Variants in MDFIC observed in about 807,000 individuals in gnomAD.
The protein encoded by MDFIC is myoD family inhibitor domain-containing protein.
Under a neutral mutation model 23.2 loss-of-function variants are expected in MDFIC, and 17 were observed. The observed-to-expected ratio is 0.73, with a 90% confidence interval of 0.50 to 1.10. The LOEUF is 1.10. Ranked by LOEUF, MDFIC falls within the 50% of genes least tolerant of loss-of-function variation. The pLI is 0.00. For synonymous variants in MDFIC, 120 were observed against 115.2 expected (o/e 1.04, Z -0.27); for missense variants, 356 against 316.6 (o/e 1.12, Z -0.95).
chr7:115,015,862 T>G lies in MDFIC; in HGVS notation c.668T>G (p.Met223Arg). 3 of 1,613,774 alleles carry G rather than the reference T, an allele frequency of 1.9e-6. No individual in the cohort carries two copies. In the South Asian group the frequency reaches 3.3e-5, roughly 18 times the overall value. ...NCPCDMDCGI[M>R]DACCESSDCL... ...CCTTGTGATATGGACTGTGGCATCA[T>G]GGATGCCTGTTGTGAATCATCAGAC... The change falls in exon 5 of 5, where the codon ATG becomes AGG. Residue 223 changes from methionine to arginine, a missense_variant. Coordinates refer to ENST00000393486, the MANE Select transcript of MDFIC (RefSeq NM_001166345.3).
At chr7:114,933,189 C>G (rs1433058555) in intron 2 of MDFIC, among the ~76,000 whole-genome samples, 1 of 151,278 alleles carries the variant, frequency 6.6e-6, no homozygotes, top group Non-Finnish European at 1.5e-5. Context: ...AGTTATCATG[C>G]TGAAAGACTA....
intron 4 of MDFIC, chr7:115,014,546 G>A (rs900079893): frequency 7.0e-6 from 9 of 1,282,992 alleles, no homozygotes; most frequent in Non-Finnish European, 9.1e-6. Context: ...AAGAGGGTGG[G>A]GTTGTTGTGT....
At chr7:114,974,355 A>G (rs1793266162) in intron 3 of MDFIC, among the ~76,000 whole-genome samples, 1 of 151,954 alleles carries the variant, frequency 6.6e-6, no homozygotes. Context: ...GTGACCATGG[A>G]GTAGCAAAGT....
intron 3 of MDFIC, among the ~76,000 whole-genome samples, chr7:114,969,435 G>A (rs1310465062): frequency 6.6e-6 from 1 of 152,134 alleles, no homozygotes; most frequent in East Asian, 1.9e-4. Context: ...ATATGTGTCT[G>A]ATACGGTTGA....
chr7:114,933,644 A>G (rs544084466), intron 2 of MDFIC, among the ~76,000 whole-genome samples: 6 of 151,914 alleles, frequency 3.9e-5, no homozygotes, highest in South Asian at 4.2e-4. Flanking sequence ...CAATCAGACA[A>G]CCTCTTTCAT....
intron 2 of MDFIC, among the ~76,000 whole-genome samples, chr7:114,935,843 T>C (rs1792414405): frequency 6.6e-6 from 1 of 152,124 alleles, no homozygotes; most frequent in South Asian, 2.1e-4. Flanking sequence ...GTATTTAGTC[T>C]AGAAACATAC....
At chr7:114,943,404 TAAAC>T (rs1200016350) in intron 3 of MDFIC, among the ~76,000 whole-genome samples, 1 of 151,592 alleles carries the variant, frequency 6.6e-6, no homozygotes, top group African/African-American at 2.4e-5. Flanking sequence ...TAGGAGAAAA[TAAAC>T]AACAACAATA....
chr7:114,934,265 A>G (rs1425930657), intron 2 of MDFIC, among the ~76,000 whole-genome samples: 2 of 152,178 alleles, frequency 1.3e-5, no homozygotes, highest in Non-Finnish European at 1.5e-5. Flanking sequence ...AAAAGGTGCA[A>G]GAGACTAAGA....
At chr7:114,935,740 G>A (rs774818705) in intron 2 of MDFIC, among the ~76,000 whole-genome samples, 16 of 151,944 alleles carry the variant, frequency 1.1e-4, no homozygotes, top group Middle Eastern at 3.4e-3. Context: ...GTAGATGTGC[G>A]TTCAAAAGAA....
At chr7:114,972,523 A>G (rs2115923138) in intron 3 of MDFIC, among the ~76,000 whole-genome samples, 1 of 152,322 alleles carries the variant, frequency 6.6e-6, no homozygotes, top group East Asian at 1.9e-4. Context: ...ATGGCAAAGT[A>G]AGGTGGGATG....
chr7:114,997,811 GAAAGA>G (rs773090785), intron 4 of MDFIC, among the ~76,000 whole-genome samples: 244 of 150,660 alleles, frequency 1.6e-3, no homozygotes, highest in African/African-American at 5.1e-3. Context: ...GAGAAAGAAA[GAAAGA>G]AAAGAAAAGA....
chr7:114,983,018 TATC>T (rs1793444599), intron 4 of MDFIC, among the ~76,000 whole-genome samples: 1 of 152,244 alleles, frequency 6.6e-6, no homozygotes, highest in African/African-American at 2.4e-5. Context: ...TACCTCTTAA[TATC>T]ATCACATTGT....
At chr7:114,996,421 T>C (rs34136084) in intron 4 of MDFIC, among the ~76,000 whole-genome samples, 27,791 of 152,132 alleles carry the variant, frequency 0.18, 3,140 homozygotes, top group Non-Finnish European at 0.25. Context: ...GGAATGGCCA[T>C]TAACTGAGAT....
At chr7:114,929,624 C>G (rs1478457848) in intron 2 of MDFIC, among the ~76,000 whole-genome samples, 2 of 152,078 alleles carry the variant, frequency 1.3e-5, no homozygotes, top group Non-Finnish European at 2.9e-5. Flanking sequence ...CTAGGAGGAG[C>G]TGTTGAGTCT....
intron 2 of MDFIC, chr7:114,923,329 A>G: frequency 8.6e-7 from 1 of 1,161,804 alleles, no homozygotes; most frequent in Non-Finnish European, 1.2e-6. Flanking sequence ...GAGGGCGGGA[A>G]CCGTTGGTCC....
chr7:114,990,319 GACA>G (rs911910675), intron 4 of MDFIC, among the ~76,000 whole-genome samples: 3 of 151,832 alleles, frequency 2.0e-5, no homozygotes, highest in African/African-American at 4.8e-5. Flanking sequence ...TTTAAAAACA[GACA>G]ACAAGATCCT....
At chr7:114,939,503 G>C (rs952022020) in intron 2 of MDFIC, among the ~76,000 whole-genome samples, 3 of 152,134 alleles carry the variant, frequency 2.0e-5, no homozygotes, top group Admixed American at 6.5e-5. Context: ...CCTAATTCTA[G>C]AATTTTGCAG....
At chr7:115,001,877 C>G (rs929707113) in intron 4 of MDFIC, among the ~76,000 whole-genome samples, 1 of 152,174 alleles carries the variant, frequency 6.6e-6, no homozygotes, top group African/African-American at 2.4e-5. Context: ...TGACTTACAA[C>G]TGTAATCCCA....
chr7:114,998,374 C>G (rs915919234), intron 4 of MDFIC, among the ~76,000 whole-genome samples: 8 of 151,890 alleles, frequency 5.3e-5, no homozygotes, highest in African/African-American at 1.9e-4. Flanking sequence ...TTGCATTAGT[C>G]TAAACTTTAC....
Sources: gnomAD v4.1 joint callset for allele counts (sites outside exome capture counted in the v4.1 genomes callset) on GRCh38, gnomAD v4.1.1 for gene constraint, MANE v1.5 for transcripts, NCBI Gene and HGNC (gene_info 2026-07-23, HGNC 2026-07-21) for gene names.